TPR: variants seen among roughly 807,000 people sequenced by gnomAD.
The protein encoded by TPR is translocated promoter region, nuclear basket protein, also known as nucleoprotein TPR.
A neutral mutation model predicts 316.1 loss-of-function variants in TPR; 51 were observed. The ratio of observed to expected loss-of-function variants is 0.16; its 90% CI spans 0.13 to 0.20. TPR has a LOEUF of 0.20. TPR is among the 10% of genes least tolerant of loss of function. The probability of loss-of-function intolerance (pLI) is 1.00; values close to 1 mark genes in which losing one functional copy is unlikely to be tolerated. For synonymous variants in TPR, 981 were observed against 914.7 expected (o/e 1.07, Z -1.31); for missense variants, 2,272 against 2,754.8 (o/e 0.82, Z 3.92).
At chr1:186,358,047 T>TAC (rs1349377149) in intron 13 of TPR, among the ~76,000 whole-genome samples, 1 of 152,190 alleles carries the variant, frequency 6.6e-6, no homozygotes, top group Admixed American at 6.5e-5. Flanking sequence ...TGCGTGGATG[T>TAC]ACACACACAC....
chr1:186,332,410 C>A, intron 37 of TPR, 67 bp from the exon 38 acceptor site: 1 of 1,534,160 alleles, frequency 6.5e-7, no homozygotes, highest in East Asian at 2.3e-5. Flanking sequence ...GATAGTTTAC[C>A]CAATATGGTC....
intron 45 of TPR, among the ~76,000 whole-genome samples, 172 bp from the exon 46 acceptor site, chr1:186,320,590 T>C (rs1284156949): frequency 6.6e-6 from 1 of 152,244 alleles, no homozygotes; most frequent in Non-Finnish European, 1.5e-5. Context: ...AAAATCCTTT[T>C]ATACTATCAG....
At chr1:186,356,242 T>G in intron 15 of TPR, 44 bp downstream of exon 15, 1 of 1,509,852 alleles carries the variant, frequency 6.6e-7, no homozygotes, top group East Asian at 2.5e-5. Flanking sequence ...TCCCTTAATA[T>G]ACATTTCTAA....
At position 186,327,671 on chromosome 1, in the gene TPR, A is replaced by C. The variant is rs1446210125; in HGVS notation, c.5689-11T>G. On this transcript the variant is annotated splice_polypyrimidine_tract_variant and intron_variant, in intron 39 of 50. Coordinates refer to ENST00000367478, the MANE Select transcript of TPR (RefSeq NM_003292.3). The stretch of plus-strand genomic sequence containing the variant: ...TCCCTGGGTAACTCCCTTTAAAAAT[A>C]AAAAAGTTAAAAAAGAATTAAGAGC... 3 of 1,608,480 alleles carry C rather than the reference A, an allele frequency of 1.9e-6. No individual in the cohort carries two copies. The highest frequency in any genetic ancestry group is 2.5e-6 in the Non-Finnish European group (3 of 1,176,950).
chr1:186,335,222 G>T (rs532283187), intron 34 of TPR, 93 bp from the exon 35 acceptor site: 1 of 1,541,656 alleles, frequency 6.5e-7, no homozygotes, highest in Non-Finnish European at 8.8e-7. Context: ...AATTCTCTCC[G>T]CATATATTGA....
At chr1:186,352,809 T>C (rs1430400581) in intron 18 of TPR, among the ~76,000 whole-genome samples, 3 of 152,172 alleles carry the variant, frequency 2.0e-5, no homozygotes, top group Non-Finnish European at 4.4e-5. Context: ...TGTCCCAAAA[T>C]AGGCAAATTA....
rs960930868 is a variant in TPR at position 186,361,688 on chromosome 1, C to T, written c.892G>A (p.Ala298Thr). Residue 298 changes from alanine (A) to threonine (T), a missense_variant, in exon 9 of 51, where the codon GCA (alanine) becomes ACA (threonine). Ala to Thr is a moderately conservative substitution (Grantham distance 58). Coordinates refer to ENST00000367478, the MANE Select transcript of TPR (RefSeq NM_003292.3). ...LYKSAADDSEAKSNELTRAVE... is the reference protein window; with the variant it reads ...LYKSAADDSETKSNELTRAVE... ...GCCCGGGTTAGTTCATTGCTCTTTG[C>T]TTCTGAGTCATCAGCGGCACTCTAA... The T allele has an allele frequency of 2.5e-6, 4 of 1,613,234 alleles. No individual in the cohort carries two copies. The highest frequency in any genetic ancestry group is 1.3e-5 in the African/African-American group (1 of 74,886).
At chr1:186,318,390 C>G in intron 48 of TPR, 57 bp downstream of exon 48, 3 of 1,515,748 alleles carry the variant, frequency 2.0e-6, no homozygotes, top group Non-Finnish European at 2.6e-6. Context: ...TAAAGGAAAA[C>G]AAATGTACAA....
At position 186,333,225 on chromosome 1, in the gene TPR, A is replaced by G; in HGVS notation, c.5352T>C (p.Pro1784=). ...ACTCTTGATTGGCAGGCTCAATCTG[A>G]GGATGACTCTGTTGAGTGGGTTGCA... is the stretch of plus-strand genomic sequence containing the variant. ...AFVQPTQQSH[P]QIEPANQELS... is the part of the protein sequence containing the mutation. Residue 1784 remains proline, a synonymous_variant, in exon 37 of 51, where the codon CCT becomes CCC. Coordinates refer to ENST00000367478, the MANE Select transcript of TPR (RefSeq NM_003292.3). 6.2e-7 allele frequency: 1 copy of G among 1,613,618 alleles called. No individual in the cohort carries two copies.
Position 186,312,697 on chromosome 1 carries a change from G to C in TPR, c.*1274C>G, listed in dbSNP as rs1243409536. 1.3e-6 allele frequency: 2 copies of C among 1,495,544 alleles called. No homozygotes were observed. The highest frequency in any genetic ancestry group is 1.4e-5 in the African/African-American group (1 of 72,360). 92.6% of individuals were successfully genotyped at this position (1,495,544 alleles called of 1,614,324 possible). A position where few individuals can be genotyped will look rare whatever the true frequency, so the allele number is the denominator to read the frequency against. On this transcript the variant is annotated 3_prime_UTR_variant, in exon 51 of 51. Transcript: ENST00000367478. ...GGGCTAAAACTGAGATTAAAACTCA[G>C]ATGTCTGGCTCTTTCCAAGATAGTA... is the stretch of plus-strand genomic sequence containing the variant.
rs200170548 is a variant in TPR at position 186,334,538 on chromosome 1, T to C, written c.4974-5A>G. ...GGTGGGTCTGATGTGCTGGCACTTA[T>C]AGAGGAGAAAATGGAAGAATAATTA... On this transcript the variant is annotated splice_polypyrimidine_tract_variant and splice_region_variant and intron_variant, in intron 35 of 50. Coordinates refer to ENST00000367478, the MANE Select transcript of TPR (RefSeq NM_003292.3). 1.1e-5 allele frequency: 17 copies of C among 1,608,848 alleles called. No homozygotes were observed. The highest frequency in any genetic ancestry group is 2.2e-5 in the East Asian group (1 of 44,770).
At chr1:186,345,479 T>C (rs1658647724) in intron 24 of TPR, 101 bp downstream of exon 24, 1 of 926,236 alleles carries the variant, frequency 1.1e-6, no homozygotes, top group South Asian at 1.7e-5. Context: ...GAAATTATCT[T>C]GAATTTTTGT....
At chr1:186,342,320 T>G (rs1658534511) in intron 27 of TPR, 1 of 96,548 alleles carries the variant, frequency 1.0e-5, no homozygotes, top group South Asian at 2.9e-4. Flanking sequence ...GACTCTCTTC[T>G]TCCTGTATTT....
intron 19 of TPR, 131 bp from the exon 20 acceptor site, chr1:186,351,601 A>G: frequency 4.3e-6 from 4 of 940,224 alleles, no homozygotes; most frequent in Non-Finnish European, 5.9e-6. Flanking sequence ...TACAGTATTT[A>G]TCAAGAAAGT....
At chr1:186,315,704 A>G (rs1451254856) in intron 49 of TPR, among the ~76,000 whole-genome samples, 2 of 151,646 alleles carry the variant, frequency 1.3e-5, no homozygotes, top group Non-Finnish European at 2.9e-5. Flanking sequence ...AGCCAAGGCA[A>G]TTACAATGAT....
In TPR at chr1:186,345,651, G is replaced by T; in HGVS notation, c.3142C>A (p.Gln1048Lys). 6.2e-7 allele frequency: 1 copy of T among 1,613,366 alleles called. No homozygotes were observed. Among genetic ancestry groups the T allele is most frequent in the South Asian group, 1.1e-5 (1 of 91,062 alleles). The change falls in exon 24 of 51, where the codon CAA becomes AAA. Residue 1048 changes from glutamine (Q) to lysine (K), a missense_variant. Coordinates refer to ENST00000367478, the MANE Select transcript of TPR (RefSeq NM_003292.3). ...KTLSSVQNEV[Q>K]EALQRASTAL... ...GTGCTTGCTCTCTGAAGAGCTTCTT[G>T]TACTTCATTCTGAACACTAGAAAGT...
In TPR at chr1:186,312,038, CCAT is replaced by C. The variant is rs1657285038; in HGVS notation, c.*1930_*1932del. 5 of 672,090 alleles carry C rather than the reference CCAT, an allele frequency of 7.4e-6. No individual in the cohort carries two copies. In the Admixed American group the frequency reaches 1.1e-4, roughly 15 times the overall value. The allele number at this position is 672,090 out of a possible 1,614,324, so 41.6% of individuals were successfully genotyped here. A position where few individuals can be genotyped will look rare whatever the true frequency, so the allele number is the denominator to read the frequency against. ...TTTTTATAATACCCTTGACTAATAG[CCAT>C]TATTAATATCAATATATTATATGAA... is the stretch of plus-strand genomic sequence containing the variant. On this transcript the variant is annotated 3_prime_UTR_variant, in exon 51 of 51. Transcript: ENST00000367478.
rs545900365 is a variant in TPR at position 186,334,944 on chromosome 1, C to G, written c.4973+124G>C. 9.6e-5 allele frequency: 93 copies of G among 968,538 alleles called. No homozygotes were observed. In the South Asian group the frequency reaches 1.5e-3, roughly 16 times the overall value. The allele number at this position is 968,538 out of a possible 1,614,324, so 60.0% of individuals were successfully genotyped here. On this transcript the variant is annotated intron_variant, in intron 35 of 50. Transcript: ENST00000367478. ...ACATGATACAGTTCTGCAGAGAAAA[C>G]AACTCTTTAGTGTATGTTTTTACAA...
intron 39 of TPR, 151 bp downstream of exon 39, chr1:186,331,347 C>T: frequency 1.9e-6 from 1 of 524,954 alleles, no homozygotes; most frequent in Non-Finnish European, 3.3e-6. Flanking sequence ...TAAAAGAAAG[C>T]AGACTCTGCA....
Sources: allele counts gnomAD v4.1 joint callset (sites outside exome capture counted in the v4.1 genomes callset), GRCh38; gene constraint gnomAD v4.1.1; transcripts MANE v1.5; gene names NCBI Gene and HGNC (gene_info 2026-07-23, HGNC 2026-07-21).